The following LETM1 variants were observed in gnomAD, a reference collection of about 807,000 sequenced individuals.
LETM1 encodes the protein mitochondrial proton/calcium exchanger protein.
In LETM1, 50 loss-of-function variants were observed where a neutral mutation model predicts 74.5. The ratio of observed to expected loss-of-function variants is 0.67; its 90% CI spans 0.53 to 0.85. The LOEUF (loss-of-function observed/expected upper bound fraction) is 0.85. LETM1 is among the 40% of genes least tolerant of loss of function. The pLI, the probability that LETM1 is intolerant of heterozygous loss-of-function variation, is 0.00. For missense variants in LETM1, 824 were observed against 967.8 expected (o/e 0.85, Z 1.97); for synonymous variants, 446 against 407.1 (o/e 1.10, Z -1.15).
At chr4:1,842,193 T>G (rs553485478) in intron 2 of LETM1, among the ~76,000 whole-genome samples, 25 of 152,144 alleles carry the variant, frequency 1.6e-4, no homozygotes, top group Admixed American at 1.4e-3. Context: ...GCAGAGACTT[T>G]GTTGACTTTG....
At chr4:1,850,349 C>A (rs1469664022) in intron 1 of LETM1, among the ~76,000 whole-genome samples, 16 of 152,066 alleles carry the variant, frequency 1.1e-4, no homozygotes, top group African/African-American at 3.6e-4. Context: ...ACTCCAGACA[C>A]CCCAAGAGGG....
rs1349004736 is a variant in LETM1 at position 1,814,064 on chromosome 4, CG to C, written c.*359del. On this transcript the variant is annotated 3_prime_UTR_variant, in exon 14 of 14. Coordinates refer to ENST00000302787, the MANE Select transcript of LETM1 (RefSeq NM_012318.3). ...GCCAGCTCTGTGTGGGCGGAGTCCA[CG>C]TGGTCCTCATTCTCTTCCCTGGGGA... The C allele has an allele frequency of 1.4e-5, 4 of 285,786 alleles. No homozygotes were observed. Among genetic ancestry groups the C allele is most frequent in the Non-Finnish European group, 2.7e-5 (4 of 147,136 alleles). The allele number at this position is 285,786 out of a possible 1,614,324, so 17.7% of individuals were successfully genotyped here.
At chr4:1,814,625 T>C (rs770948178) in intron 13 of LETM1, 52 bp from the exon 14 acceptor site, 1 of 1,546,526 alleles carries the variant, frequency 6.5e-7, no homozygotes, top group South Asian at 1.1e-5. Flanking sequence ...TACAGCACAG[T>C]GAGGCAGAGG....
intron 2 of LETM1, among the ~76,000 whole-genome samples, chr4:1,847,630 G>T (rs1442374252): frequency 6.6e-6 from 1 of 152,020 alleles, no homozygotes; most frequent in African/African-American, 2.4e-5. Context: ...GATGAGCCTG[G>T]CTAATGTGGT....
intron 2 of LETM1, among the ~76,000 whole-genome samples, chr4:1,844,284 G>C (rs1415539323): frequency 6.6e-6 from 1 of 152,214 alleles, no homozygotes; most frequent in Non-Finnish European, 1.5e-5. Flanking sequence ...ATCAGCTGAG[G>C]TTTCCCCACT....
In LETM1 at chr4:1,822,282, C is replaced by A; in HGVS notation, c.1507G>T (p.Ala503Ser). The A allele has an allele frequency of 6.5e-7, 1 of 1,533,430 alleles. No homozygotes were observed. Among genetic ancestry groups the A allele is most frequent in the Non-Finnish European group, 8.8e-7 (1 of 1,132,496 alleles). The allele number at this position is 1,533,430 out of a possible 1,614,324, so 95.0% of individuals were successfully genotyped here. ...GGCTCGGTCCCCGGCCTTTGGGGAG[C>A]AGCTACCACACGTTCGGGCTCAAAA... ...KDFEPERVVA[A>S]PQRPGTEPQP... Residue 503 changes from alanine to serine, a missense_variant, in exon 10 of 14, where the codon GCT (alanine) becomes TCT (serine). By Grantham distance (99) the Ala-to-Ser change is moderately conservative. Transcript: ENST00000302787.
At chr4:1,845,201 G>A (rs1712841209) in intron 2 of LETM1, among the ~76,000 whole-genome samples, 1 of 151,854 alleles carries the variant, frequency 6.6e-6, no homozygotes, top group Non-Finnish European at 1.5e-5. Flanking sequence ...CGCACCCCCC[G>A]AAAAAAATGA....
chr4:1,814,623 A>G lies in LETM1; in HGVS notation c.2071-50T>C, dbSNP rs185041462. ...CTCAGGTGGCTGCGCCCTACAGCAC[A>G]GTGAGGCAGAGGCGGGGCCAGCGCC... On this transcript the variant is annotated intron_variant, in intron 13 of 13. Transcript: ENST00000302787. The G allele has an allele frequency of 4.1e-5, 63 of 1,547,614 alleles. 1 individual carries two copies. In the Admixed American group the frequency reaches 1.1e-3, roughly 26 times the overall value.
chr4:1,827,356 T>A (rs1189510380), intron 6 of LETM1, among the ~76,000 whole-genome samples: 1 of 131,216 alleles, frequency 7.6e-6, no homozygotes, highest in East Asian at 2.1e-4. Flanking sequence ...GGCAGGGTCA[T>A]GGGACAATAG....
At chr4:1,851,241 A>G (rs1339925124) in intron 1 of LETM1, among the ~76,000 whole-genome samples, 1 of 152,198 alleles carries the variant, frequency 6.6e-6, no homozygotes, top group Non-Finnish European at 1.5e-5. Context: ...GCCGGGAGCC[A>G]GCAGGTAGCA....
chr4:1,839,360 C>T (rs142561874), intron 3 of LETM1: 1 of 152,400 alleles, frequency 6.6e-6, no homozygotes, highest in East Asian at 1.9e-4. Flanking sequence ...AAAGGGCCTG[C>T]ACCTGCAGCA....
intron 1 of LETM1, among the ~76,000 whole-genome samples, chr4:1,855,231 T>C (rs908413167): frequency 3.3e-5 from 5 of 152,126 alleles, no homozygotes; most frequent in African/African-American, 1.2e-4. Flanking sequence ...CTCAAATAAG[T>C]TGGTTAATTA....
At position 1,815,783 on chromosome 4, in the gene LETM1, C is replaced by T. The variant is rs760388860; in HGVS notation, c.1951G>A (p.Ala651Thr). 3.7e-6 allele frequency: 6 copies of T among 1,614,120 alleles called. No homozygotes were observed. The highest frequency in any genetic ancestry group is 1.6e-4 in the Middle Eastern group (1 of 6,062). ...MPTGENVISV[A>T]ELINAMKQVK... ...TGCTTCATGGCGTTGATGAGCTCAG[C>T]GACACTGATGACGTTCTCCCTGTGG... Residue 651 changes from alanine to threonine, a missense_variant, in exon 13 of 14, where the codon GCT becomes ACT. Coordinates refer to ENST00000302787, the MANE Select transcript of LETM1 (RefSeq NM_012318.3).
chr4:1,845,613 T>C (rs989559869), intron 2 of LETM1, among the ~76,000 whole-genome samples: 1 of 150,166 alleles, frequency 6.7e-6, no homozygotes, highest in African/African-American at 2.4e-5. Context: ...AGTGGCACAA[T>C]CTGGGCTCAC....
At position 1,836,558 on chromosome 4, in the gene LETM1, G is replaced by A. The variant is rs758465261; in HGVS notation, c.609C>T (p.Cys203=). The change falls in exon 4 of 14, where the codon TGC becomes TGT. Residue 203 remains cysteine, a synonymous_variant. Coordinates refer to ENST00000302787, the MANE Select transcript of LETM1 (RefSeq NM_012318.3). This position sits in a 1 kb window ranked among gnomAD's most constrained non-coding sequence, Gnocchi z 5.8. Reference sequence around the variant, plus strand: ...ACGGCACCAGGCGGAAGAGGTCAGCGCAGATCCGGAGAAACTGGAAGGGGC... The same window carrying A: ...ACGGCACCAGGCGGAAGAGGTCAGCACAGATCCGGAGAAACTGGAAGGGGC... ...RRERRQFLRI[C]ADLFRLVPFL... is the part of the protein sequence containing the mutation. The A allele has an allele frequency of 1.7e-5, 27 of 1,613,708 alleles. No individual in the cohort carries two copies. Among genetic ancestry groups the A allele is most frequent in the African/African-American group, 6.7e-5 (5 of 74,848 alleles).
chr4:1,830,105 C>A (rs559268755), intron 6 of LETM1, among the ~76,000 whole-genome samples: 3 of 152,306 alleles, frequency 2.0e-5, no homozygotes, highest in Admixed American at 6.5e-5. Flanking sequence ...CTTTCTCCCC[C>A]GGAACATCAG....
intron 9 of LETM1, chr4:1,822,661 G>A (rs1203276365): frequency 8.6e-6 from 3 of 347,414 alleles, no homozygotes; most frequent in Admixed American, 4.8e-5. Flanking sequence ...CCAGAGGCTG[G>A]GGGAGCCTGC....
intron 6 of LETM1, among the ~76,000 whole-genome samples, chr4:1,830,417 A>G (rs567353837): frequency 1.4e-4 from 22 of 152,262 alleles, no homozygotes; most frequent in African/African-American, 4.1e-4. Context: ...TGCAAGCTCA[A>G]TCTCCCAAGC....
Position 1,850,144 on chromosome 4 carries a change from A to G in LETM1, c.83-935T>C, listed in dbSNP as rs142046012. Among the ~76,000 whole-genome samples the G allele has an allele frequency of 6.2e-4, 95 of 152,130 alleles. 1 individual carries two copies. Among genetic ancestry groups the G allele is most frequent in the Middle Eastern group, 3.4e-3 (1 of 294 alleles). ...ACTCCAGCCTGGGCAACAAGAGTGA[A>G]ACTCCGTCTCAAAAAGAAAAAAAAA... On this transcript the variant is annotated intron_variant, in intron 1 of 13. Coordinates refer to ENST00000302787, the MANE Select transcript of LETM1 (RefSeq NM_012318.3).
Sources: gnomAD v4.1 joint callset for allele counts (sites outside exome capture counted in the v4.1 genomes callset) on GRCh38, gnomAD v4.1.1 for gene constraint, Gnocchi (gnomAD v3.1) non-coding constraint, MANE v1.5 for transcripts, NCBI Gene and HGNC (gene_info 2026-07-23, HGNC 2026-07-21) for gene names.